TANGO6: variants seen among roughly 807,000 people sequenced by gnomAD.
The protein encoded by TANGO6 is transport and Golgi organization protein 6 homolog.
A neutral mutation model predicts 114.2 loss-of-function variants in TANGO6; 90 were observed. The observed-to-expected ratio is 0.79, with a 90% confidence interval of 0.66 to 0.94. The LOEUF is 0.94. Among genes scored for constraint, TANGO6 ranks in the 40% least tolerant of loss-of-function variants. The pLI, the probability that TANGO6 is intolerant of heterozygous loss-of-function variation, is 0.00. For missense variants in TANGO6, 1,274 were observed against 1,315.3 expected (o/e 0.97, Z 0.49); for synonymous variants, 477 against 509.8 (o/e 0.94, Z 0.87).
intron 14 of TANGO6, among the ~76,000 whole-genome samples, chr16:68,931,670 G>A (rs1271253873): frequency 6.6e-6 from 1 of 152,154 alleles, no homozygotes; most frequent in Non-Finnish European, 1.5e-5. Flanking sequence ...TATGATTCCA[G>A]TTACATGAAA....
intron 1 of TANGO6, among the ~76,000 whole-genome samples, chr16:68,844,967 CTTTT>C (rs200473627): frequency 7.6e-6 from 1 of 131,198 alleles, no homozygotes; most frequent in Admixed American, 7.8e-5. Context: ...AACGGCAACT[CTTTT>C]TTTTTTTTTT....
intron 14 of TANGO6, among the ~76,000 whole-genome samples, chr16:68,964,416 G>T (rs1018824952): frequency 3.3e-5 from 5 of 151,906 alleles, no homozygotes; most frequent in Non-Finnish European, 7.4e-5. Context: ...TTAGTTTCTT[G>T]AGTATCCTTC....
At chr16:69,033,720 A>G (rs553557458) in intron 16 of TANGO6, 21 of 152,376 alleles carry the variant, frequency 1.4e-4, no homozygotes, top group African/African-American at 5.1e-4. Context: ...GAAAACTGCC[A>G]TGGCTTCCTC....
chr16:68,971,268 T>C (rs1963702020), intron 14 of TANGO6, among the ~76,000 whole-genome samples: 1 of 152,064 alleles, frequency 6.6e-6, no homozygotes, highest in Non-Finnish European at 1.5e-5. Flanking sequence ...CTTTTAGAAG[T>C]TGGAGGCTAT....
chr16:68,947,240 G>A (rs928553049), intron 14 of TANGO6, among the ~76,000 whole-genome samples: 24 of 152,008 alleles, frequency 1.6e-4, no homozygotes, highest in African/African-American at 4.8e-4. Flanking sequence ...GGCGGATCAC[G>A]AGGTCAGGAA....
intron 17 of TANGO6, among the ~76,000 whole-genome samples, chr16:69,054,984 G>A (rs902939581): frequency 2.8e-5 from 4 of 144,174 alleles, no homozygotes; most frequent in African/African-American, 1.0e-4. Context: ...CTATTGTCTT[G>A]TTAGTTCTTT....
rs560479395 is a variant in TANGO6, at chr16:68,959,495, G to C, written c.2702-14533G>C. The stretch of plus-strand genomic sequence containing the variant: ...CCAGCTACTCAGGAGGCTGAGGCAG[G>C]AGAATTGCTTGAACCTGGGGGGTGG... On this transcript the variant is annotated intron_variant, in intron 14 of 17. Transcript: ENST00000261778. Among the ~76,000 whole-genome samples, 4 of 152,204 alleles carry C rather than the reference G, an allele frequency of 2.6e-5. No homozygotes were observed. In the South Asian group the frequency reaches 8.3e-4, roughly 32 times the overall value.
intron 7 of TANGO6, among the ~76,000 whole-genome samples, chr16:68,882,948 G>T (rs918823490): frequency 2.0e-5 from 3 of 152,144 alleles, no homozygotes; most frequent in African/African-American, 7.2e-5. Context: ...AACCCGGGAG[G>T]CGGAGGTTGC....
intron 15 of TANGO6, among the ~76,000 whole-genome samples, chr16:68,986,224 T>C (rs1963888525): frequency 6.6e-6 from 1 of 152,198 alleles, no homozygotes; most frequent in Admixed American, 6.6e-5. Flanking sequence ...TTCATGTTGC[T>C]CCATCTGAAG....
At chr16:69,035,521 C>A (rs1959672199) in intron 16 of TANGO6, 1 of 152,132 alleles carries the variant, frequency 6.6e-6, no homozygotes, top group Non-Finnish European at 1.5e-5. Context: ...TTTGTATTAT[C>A]TTTATTTATA....
At chr16:68,924,964 G>T (rs1487235142) in intron 12 of TANGO6, among the ~76,000 whole-genome samples, 1 of 152,030 alleles carries the variant, frequency 6.6e-6, no homozygotes, top group African/African-American at 2.4e-5. Context: ...ATCAGGGAGG[G>T]ATCAAGGTGC....
chr16:69,074,807 T>C (rs1250844648), intron 17 of TANGO6, among the ~76,000 whole-genome samples: 2 of 142,324 alleles, frequency 1.4e-5, no homozygotes, highest in African/African-American at 5.8e-5. Context: ...CCTGTGTGTG[T>C]GTGTGTGTGT....
intron 16 of TANGO6, among the ~76,000 whole-genome samples, chr16:69,025,299 A>G (rs918991272): frequency 6.6e-6 from 1 of 152,208 alleles, no homozygotes; most frequent in South Asian, 2.1e-4. Context: ...TTATTGAGCA[A>G]TGAAACGGCT....
chr16:68,975,935 G>A (rs1426560819), intron 15 of TANGO6, among the ~76,000 whole-genome samples: 1 of 151,880 alleles, frequency 6.6e-6, no homozygotes, highest in African/African-American at 2.4e-5. Flanking sequence ...GGTTTTTGTT[G>A]TTGTTGTTGT....
chr16:68,856,041 G>A (rs894684283), intron 1 of TANGO6, among the ~76,000 whole-genome samples: 1 of 151,932 alleles, frequency 6.6e-6, no homozygotes, highest in African/African-American at 2.4e-5. Flanking sequence ...AGTCCTTAGG[G>A]CTTTTTACAT....
At chr16:68,843,855 C>T in intron 1 of TANGO6, 144 bp downstream of exon 1, 2 of 730,372 alleles carry the variant, frequency 2.7e-6, no homozygotes, top group Non-Finnish European at 4.6e-6. Context: ...TGAGCATTGT[C>T]TATGCCCGTC....
At chr16:69,021,976 C>T (rs1211527808) in intron 15 of TANGO6, among the ~76,000 whole-genome samples, 1 of 151,114 alleles carries the variant, frequency 6.6e-6, no homozygotes, top group East Asian at 1.9e-4. Context: ...AGCTCCGCCT[C>T]CCGGGTTCAG....
chr16:68,847,882 C>G (rs2152148697), intron 1 of TANGO6, among the ~76,000 whole-genome samples: 1 of 152,056 alleles, frequency 6.6e-6, no homozygotes, highest in South Asian at 2.1e-4. Context: ...CGCCGGTAGT[C>G]CCAGCTACTC....
rs565216004 is a variant in TANGO6 at position 68,910,307 on chromosome 16, G to C, written c.1992+905G>C. 9.2e-5 allele frequency among the ~76,000 whole-genome samples: 14 copies of C among 152,272 alleles called. No individual in the cohort carries two copies. In the South Asian group the frequency reaches 2.7e-3, roughly 29 times the overall value. ...ACCGTGCCTGTTTAATGAGAATTAT[G>C]CTCATGATTTCTTTCCTGGCCTCTT... On this transcript the variant is annotated intron_variant, in intron 11 of 17. Coordinates refer to ENST00000261778, the MANE Select transcript of TANGO6 (RefSeq NM_024562.2).
Sources: gnomAD v4.1 joint callset for allele counts (sites outside exome capture counted in the v4.1 genomes callset) on GRCh38, gnomAD v4.1.1 for gene constraint, MANE v1.5 for transcripts, NCBI Gene and HGNC (gene_info 2026-07-23, HGNC 2026-07-21) for gene names.